Variants in PTPRJ observed in about 807,000 individuals in gnomAD.
PTPRJ encodes the protein protein tyrosine phosphatase receptor type J, also known as receptor-type tyrosine-protein phosphatase eta.
In PTPRJ, 129 loss-of-function variants were observed where a neutral mutation model predicts 141.3. The observed-to-expected ratio is 0.91, with a 90% CI of 0.79 to 1.06. PTPRJ has a LOEUF of 1.06. Among genes scored for constraint, PTPRJ ranks in the 50% least tolerant of loss-of-function variants. The pLI is 0.00. For missense variants in PTPRJ, 1,601 were observed against 1,679.7 expected (o/e 0.95, Z 0.82); for synonymous variants, 610 against 640.5 (o/e 0.95, Z 0.72).
Position 48,168,581 on chromosome 11 carries a change from T to TATATACAC in PTPRJ, c.*1220_*1221insTATACACA, listed in dbSNP as rs1565338067. On this transcript the variant is annotated 3_prime_UTR_variant, in exon 25 of 25. Coordinates refer to ENST00000418331, the MANE Select transcript of PTPRJ (RefSeq NM_002843.4). Reference sequence around the variant, plus strand: ...ATATATATATATATATATATATATATACACTAAGCTCTCAAAAACAGTCAT... The same window carrying TATATACAC: ...ATATATATATATATATATATATATATATATACACACACTAAGCTCTCAAAAACAGTCAT... 1.7e-5 allele frequency: 2 copies of TATATACAC among 117,576 alleles called. No homozygotes were observed. Among genetic ancestry groups the TATATACAC allele is most frequent in the African/African-American group, 6.4e-5 (2 of 31,362 alleles). 7.3% of individuals were successfully genotyped at this position (117,576 alleles called of 1,614,324 possible).
intron 21 of PTPRJ, 50 bp downstream of exon 21, chr11:48,156,169 T>C: frequency 6.8e-7 from 1 of 1,464,674 alleles, no homozygotes; most frequent in Non-Finnish European, 9.4e-7. Context: ...TAATTGCTTT[T>C]TATTGTGGCA....
chr11:48,156,718 C>A (rs998091074), intron 21 of PTPRJ, among the ~76,000 whole-genome samples: 1 of 151,726 alleles, frequency 6.6e-6, no homozygotes, highest in African/African-American at 2.4e-5. Flanking sequence ...TCCTGTGTAG[C>A]TGGGACTACA....
intron 1 of PTPRJ, among the ~76,000 whole-genome samples, chr11:48,014,225 CT>C (rs1854892278): frequency 6.6e-6 from 1 of 152,138 alleles, no homozygotes; most frequent in South Asian, 2.1e-4. Flanking sequence ...TCTATCCTTC[CT>C]TCTGTGTGAG....
Position 48,139,789 on chromosome 11 carries a change from G to A in PTPRJ, c.2443+13G>A. 1 of 1,612,834 alleles carries A rather than the reference G, an allele frequency of 6.2e-7. No homozygotes were observed. The highest frequency in any genetic ancestry group is 8.5e-7 in the Non-Finnish European group (1 of 1,179,672). On this transcript the variant is annotated intron_variant, in intron 11 of 24. Coordinates refer to ENST00000418331, the MANE Select transcript of PTPRJ (RefSeq NM_002843.4). ...ACTGGCATCACAGGTGGGCTACAAG[G>A]CAGGGGCTGGTCAGTTGGCACTGTG...
At chr11:48,053,176 T>C (rs1178531517) in intron 1 of PTPRJ, among the ~76,000 whole-genome samples, 1 of 103,834 alleles carries the variant, frequency 9.6e-6, no homozygotes, top group South Asian at 2.4e-4. Flanking sequence ...TATAAAAATA[T>C]ATAAATATAT....
At chr11:48,127,343 C>G (rs983645398) in intron 6 of PTPRJ, among the ~76,000 whole-genome samples, 3 of 152,226 alleles carry the variant, frequency 2.0e-5, no homozygotes, top group African/African-American at 7.2e-5. Context: ...TGTGGCCCAC[C>G]TGGGTGTCAT....
At chr11:48,098,997 T>C (rs1480461699) in intron 1 of PTPRJ, among the ~76,000 whole-genome samples, 1 of 152,238 alleles carries the variant, frequency 6.6e-6, no homozygotes, top group Non-Finnish European at 1.5e-5. Context: ...GCCTCCTGCC[T>C]GATGTTATTT....
intron 8 of PTPRJ, among the ~76,000 whole-genome samples, chr11:48,135,030 G>A (rs960238811): frequency 1.3e-5 from 2 of 152,128 alleles, no homozygotes; most frequent in African/African-American, 2.4e-5. Flanking sequence ...CCTCTTTATT[G>A]AGATATAATA....
chr11:48,038,803 T>G (rs1301587031), intron 1 of PTPRJ, among the ~76,000 whole-genome samples: 3 of 151,072 alleles, frequency 2.0e-5, no homozygotes, highest in Non-Finnish European at 2.9e-5. Flanking sequence ...TAGCCATTCT[T>G]TATCCCTTTA....
intron 1 of PTPRJ, among the ~76,000 whole-genome samples, chr11:48,066,796 G>C (rs1478158438): frequency 6.6e-6 from 1 of 151,994 alleles, no homozygotes; most frequent in Non-Finnish European, 1.5e-5. Context: ...ATGTTGGCCA[G>C]GCTCATCTGG....
At chr11:48,120,978 T>C in intron 3 of PTPRJ, 25 bp from the exon 4 acceptor site, 1 of 303,156 alleles carries the variant, frequency 3.3e-6, no homozygotes, top group Non-Finnish European at 4.6e-6. Context: ...GTGCAATAAT[T>C]TTTTTTTTTT....
rs1392105032 is a variant in PTPRJ, at chr11:48,136,921, G to A, written c.1874-82G>A. On this transcript the variant is annotated intron_variant, in intron 9 of 24. Coordinates refer to ENST00000418331, the MANE Select transcript of PTPRJ (RefSeq NM_002843.4). ...ATTCATTCTTTCTAAAACGAGCCAGGCTATTTTTGGATATAGTAAATAGTC... is the reference window on the plus strand; with the variant it reads ...ATTCATTCTTTCTAAAACGAGCCAGACTATTTTTGGATATAGTAAATAGTC... 5.1e-6 allele frequency: 7 copies of A among 1,366,900 alleles called. 1 individual carries two copies. In the South Asian group the frequency reaches 5.6e-5, roughly 11 times the overall value. The allele number at this position is 1,366,900 out of a possible 1,614,324, so 84.7% of individuals were successfully genotyped here.
At chr11:48,031,951 C>T (rs1185029056) in intron 1 of PTPRJ, among the ~76,000 whole-genome samples, 5 of 152,174 alleles carry the variant, frequency 3.3e-5, no homozygotes, top group East Asian at 1.9e-4. Context: ...TCCCCACCCC[C>T]GTCAACGTTA....
intron 1 of PTPRJ, among the ~76,000 whole-genome samples, chr11:48,076,553 A>G (rs1330314976): frequency 6.6e-6 from 1 of 151,826 alleles, no homozygotes; most frequent in Non-Finnish European, 1.5e-5. Context: ...TACTTCCTTT[A>G]GTATTGAGAA....
rs1565306501 is a variant in PTPRJ at position 48,108,263 on chromosome 11, C to T, written c.97-1795C>T. Among the ~76,000 whole-genome samples the T allele has an allele frequency of 2.6e-5, 4 of 152,288 alleles. No homozygotes were observed. In the Middle Eastern group the frequency reaches 0.014, roughly 518 times the overall value. On this transcript the variant is annotated intron_variant, in intron 1 of 24. Coordinates refer to ENST00000418331, the MANE Select transcript of PTPRJ (RefSeq NM_002843.4). ...GTAAGGATGATGATGATGACAACAGCAGCTCAAATAGATCATTTAACTTAA... is the reference window on the plus strand; with the variant it reads ...GTAAGGATGATGATGATGACAACAGTAGCTCAAATAGATCATTTAACTTAA...
intron 1 of PTPRJ, among the ~76,000 whole-genome samples, chr11:48,056,932 C>T (rs1229100756): frequency 2.6e-5 from 4 of 152,224 alleles, no homozygotes; most frequent in Admixed American, 2.0e-4. Flanking sequence ...CCATTCTGGG[C>T]GACAAGAGCG....
At chr11:48,025,430 A>G (rs942704865) in intron 1 of PTPRJ, among the ~76,000 whole-genome samples, 1 of 152,216 alleles carries the variant, frequency 6.6e-6, no homozygotes, top group Non-Finnish European at 1.5e-5. Flanking sequence ...GCCTCTGAGC[A>G]GTAGGCAGGG....
chr11:48,114,072 G>C (rs1490527776), intron 3 of PTPRJ, among the ~76,000 whole-genome samples: 1 of 152,100 alleles, frequency 6.6e-6, no homozygotes, highest in Non-Finnish European at 1.5e-5. Context: ...AGTTCTAGAA[G>C]TATTGATAAA....
At chr11:48,005,217 A>G (rs142542738) in intron 1 of PTPRJ, among the ~76,000 whole-genome samples, 219 of 151,734 alleles carry the variant, frequency 1.4e-3, no homozygotes, top group African/African-American at 5.0e-3. Context: ...GTGAGACTCT[A>G]TCTTAAAAAA....
Sources: allele counts gnomAD v4.1 joint callset (sites outside exome capture counted in the v4.1 genomes callset), GRCh38; gene constraint gnomAD v4.1.1; transcripts MANE v1.5; gene names NCBI Gene and HGNC (gene_info 2026-07-23, HGNC 2026-07-21).